The following BCKDHB variants were observed in gnomAD, a reference collection of about 807,000 sequenced individuals.
BCKDHB encodes branched chain keto acid dehydrogenase E1 subunit beta, also known as 2-oxoisovalerate dehydrogenase subunit beta, mitochondrial.
A neutral mutation model predicts 48.5 loss-of-function variants in BCKDHB; 41 were observed. The observed-to-expected ratio is 0.85, with a 90% CI of 0.66 to 1.10. The LOEUF (loss-of-function observed/expected upper bound fraction) is 1.10. Among genes scored for constraint, BCKDHB ranks in the 50% least tolerant of loss-of-function variants. BCKDHB has a pLI of 0.00. For missense variants in BCKDHB, 496 were observed against 494.2 expected (o/e 1.00, Z -0.03); for synonymous variants, 201 against 174.8 (o/e 1.15, Z -1.18).
At chr6:80,443,940 C>T in the BCKDHB span, among the ~76,000 whole-genome samples, 1 of 151,856 alleles carries the variant, frequency 6.6e-6, no homozygotes, top group African/African-American at 2.4e-5. Flanking sequence ...GACTTAGTTA[C>T]ATAACACTGA....
chr6:80,316,540 T>C (rs1768454793), intron 9 of BCKDHB, among the ~76,000 whole-genome samples: 2 of 152,238 alleles, frequency 1.3e-5, no homozygotes, highest in Admixed American at 1.3e-4. Context: ...AATATGTTTA[T>C]GATATCCATT....
intron 8 of BCKDHB, among the ~76,000 whole-genome samples, chr6:80,254,262 ATTC>A (rs1183113585): frequency 2.0e-5 from 3 of 151,848 alleles, no homozygotes; most frequent in South Asian, 2.1e-4. Flanking sequence ...TAAGGTACAT[ATTC>A]TTCTTTTTTC....
chr6:80,204,996 G>A (rs1037529387), intron 8 of BCKDHB, among the ~76,000 whole-genome samples: 3 of 151,982 alleles, frequency 2.0e-5, no homozygotes, highest in Non-Finnish European at 2.9e-5. Context: ...ACTTATTAGC[G>A]TCATTATTTT....
chr6:80,239,882 A>T (rs1582420533), intron 8 of BCKDHB, among the ~76,000 whole-genome samples: 2 of 151,906 alleles, frequency 1.3e-5, no homozygotes, highest in African/African-American at 4.8e-5. Context: ...TTTCTTGTTT[A>T]TGTCAGGTTT....
At chr6:80,339,190 T>C (rs543445767) in intron 9 of BCKDHB, among the ~76,000 whole-genome samples, 1 of 152,292 alleles carries the variant, frequency 6.6e-6, no homozygotes, top group East Asian at 1.9e-4. Flanking sequence ...CCTTAATATA[T>C]GTGTTTTTAT....
In BCKDHB at chr6:80,205,827, TGTGTGTGTAG is replaced by T. The variant is rs1350165724; in HGVS notation, c.951+2619_951+2628del. 7.2e-3 allele frequency among the ~76,000 whole-genome samples: 1,070 copies of T among 148,570 alleles called. 12 individuals are homozygous for T. The highest frequency in any genetic ancestry group is 0.028 in the South Asian group (132 of 4,638). Reference sequence around the variant, plus strand: ...GTGTGTGTGTGTGTGTGTGTGTGTGTGTGTGTGTAGGTGGATTGGCTTAAGAGAATCAGCT... The same window carrying T: ...GTGTGTGTGTGTGTGTGTGTGTGTGTGTGGATTGGCTTAAGAGAATCAGCT... On this transcript the variant is annotated intron_variant, in intron 8 of 9. Transcript: ENST00000320393.
intron 4 of BCKDHB, among the ~76,000 whole-genome samples, chr6:80,168,623 G>A: frequency 1.5e-5 from 2 of 136,006 alleles, no homozygotes; most frequent in African/African-American, 2.8e-5. Context: ...GAAGGAGGGA[G>A]GGAGGGAGGG....
chr6:80,365,443 G>A, the BCKDHB span, among the ~76,000 whole-genome samples: 1 of 151,842 alleles, frequency 6.6e-6, no homozygotes, highest in Non-Finnish European at 1.5e-5. Context: ...CCTTTCCCAG[G>A]GTATTAATAT....
chr6:80,291,503 A>G (rs1766913593), intron 9 of BCKDHB, among the ~76,000 whole-genome samples: 1 of 152,218 alleles, frequency 6.6e-6, no homozygotes, highest in African/African-American at 2.4e-5. Flanking sequence ...ATGGTAAAGC[A>G]AGATCAGCAA....
At chr6:80,229,030 C>T (rs1775800190) in intron 8 of BCKDHB, among the ~76,000 whole-genome samples, 1 of 152,146 alleles carries the variant, frequency 6.6e-6, no homozygotes, top group Non-Finnish European at 1.5e-5. Context: ...ACTAGCATCT[C>T]CTGAAGGCAT....
chr6:80,235,329 A>G (rs1776106455), intron 8 of BCKDHB, among the ~76,000 whole-genome samples: 1 of 152,152 alleles, frequency 6.6e-6, no homozygotes, highest in African/African-American at 2.4e-5. Context: ...TATTTCTTCT[A>G]ATATCAGGCA....
the BCKDHB span, among the ~76,000 whole-genome samples, chr6:80,408,803 CAA>C: frequency 2.1e-3 from 297 of 140,290 alleles, 1 homozygote; most frequent in Middle Eastern, 7.2e-3. Context: ...TTTTTTTTTT[CAA>C]AAAAAAAAAC....
intron 6 of BCKDHB, among the ~76,000 whole-genome samples, chr6:80,182,258 C>T (rs976102923): frequency 6.6e-6 from 1 of 152,154 alleles, no homozygotes; most frequent in Non-Finnish European, 1.5e-5. Context: ...GGTGTTCAGT[C>T]AACTGACAGT....
intron 9 of BCKDHB, among the ~76,000 whole-genome samples, chr6:80,319,004 T>G (rs1294129990): frequency 6.6e-6 from 1 of 152,210 alleles, no homozygotes; most frequent in Non-Finnish European, 1.5e-5. Flanking sequence ...GTTAGTTATC[T>G]GTTATAATGG....
the BCKDHB span, among the ~76,000 whole-genome samples, chr6:80,442,976 G>A: frequency 3.9e-5 from 6 of 152,154 alleles, no homozygotes; most frequent in African/African-American, 1.4e-4. Context: ...ATTAGGCTGT[G>A]CCATCTGGGC....
At chr6:80,377,345 T>C in the BCKDHB span, among the ~76,000 whole-genome samples, 69 of 152,246 alleles carry the variant, frequency 4.5e-4, no homozygotes, top group Non-Finnish European at 1.3e-4. Context: ...CCTGGCCTGA[T>C]TTTTATGAAG....
chr6:80,404,650 A>G, the BCKDHB span, among the ~76,000 whole-genome samples: 1 of 151,902 alleles, frequency 6.6e-6, no homozygotes, highest in African/African-American at 2.4e-5. Flanking sequence ...ATAAGGTATA[A>G]CAGGTTGTTT....
At chr6:80,241,622 A>G (rs562646146) in intron 8 of BCKDHB, among the ~76,000 whole-genome samples, 5 of 152,262 alleles carry the variant, frequency 3.3e-5, no homozygotes, top group Admixed American at 6.5e-5. Context: ...GCAATTTTTT[A>G]TACATATTTC....
intron 8 of BCKDHB, among the ~76,000 whole-genome samples, chr6:80,234,127 C>G (rs956692830): frequency 2.0e-5 from 3 of 152,176 alleles, no homozygotes; most frequent in African/African-American, 7.2e-5. Flanking sequence ...AGAGCTCAGG[C>G]AGTAATGCTC....
Sources: gnomAD v4.1 joint callset for allele counts (sites outside exome capture counted in the v4.1 genomes callset) on GRCh38, gnomAD v4.1.1 for gene constraint, MANE v1.5 for transcripts, NCBI Gene and HGNC (gene_info 2026-07-23, HGNC 2026-07-21) for gene names.